The following USH2A variants were observed in gnomAD, a reference collection of about 807,000 sequenced individuals.
The protein encoded by USH2A is usherin.
A neutral mutation model predicts 538.9 loss-of-function variants in USH2A; 443 were observed. That is an observed-to-expected ratio of 0.82 (90% CI 0.76 to 0.89). The LOEUF (loss-of-function observed/expected upper bound fraction) is 0.89, where lower values mean the gene tolerates loss of function less well. Among genes scored for constraint, USH2A ranks in the 40% least tolerant of loss-of-function variants. The pLI is 0.00. For missense variants in USH2A, 6,633 were observed against 6,324.8 expected (o/e 1.05, Z -1.65); for synonymous variants, 2,413 against 2,273.5 (o/e 1.06, Z -1.75).
chr1:216,038,972 A>G (rs2030131834), intron 32 of USH2A, among the ~76,000 whole-genome samples: 1 of 152,044 alleles, frequency 6.6e-6, no homozygotes, highest in Non-Finnish European at 1.5e-5. Flanking sequence ...AATTAGGTTA[A>G]CAGATCATAT....
At chr1:216,196,495 A>G in intron 19 of USH2A, 58 bp downstream of exon 19, 1 of 1,599,836 alleles carries the variant, frequency 6.3e-7, no homozygotes, top group Non-Finnish European at 8.6e-7. Context: ...AACTCAAAAA[A>G]TGTCCAAATG....
At chr1:216,072,271 G>A (rs925827651) in intron 29 of USH2A, among the ~76,000 whole-genome samples, 3 of 152,300 alleles carry the variant, frequency 2.0e-5, no homozygotes, top group African/African-American at 4.8e-5. Context: ...TTTGTGGCCA[G>A]TCAGAAGTAC....
chr1:216,330,587 G>A (rs1337667265), intron 4 of USH2A, among the ~76,000 whole-genome samples: 1 of 152,004 alleles, frequency 6.6e-6, no homozygotes, highest in Non-Finnish European at 1.5e-5. Flanking sequence ...GTTATTAGAA[G>A]GTTAGGTCAG....
rs912597927 is a variant in USH2A at position 216,266,980 on chromosome 1, A to G, written c.1972-15882T>C. Among the ~76,000 whole-genome samples the G allele has an allele frequency of 9.9e-5, 15 of 152,090 alleles. No homozygotes were observed. In the East Asian group the frequency reaches 1.7e-3, roughly 18 times the overall value. ...ACATGTTAAGTGTTTAATTGGAAAT[A>G]TGATTGTGAAATTCATTTGAGTATT... On this transcript the variant is annotated intron_variant, in intron 11 of 71. Transcript: ENST00000307340.
intron 3 of USH2A, among the ~76,000 whole-genome samples, chr1:216,387,410 A>T (rs972229824): frequency 6.6e-6 from 1 of 152,250 alleles, no homozygotes; most frequent in African/African-American, 2.4e-5. Context: ...ATCTGATGAA[A>T]AAAGAAACAA....
At chr1:215,824,764 G>A (rs953948463) in intron 47 of USH2A, among the ~76,000 whole-genome samples, 2 of 152,100 alleles carry the variant, frequency 1.3e-5, no homozygotes, top group African/African-American at 2.4e-5. Context: ...TAAGACGGTC[G>A]GGAAACTGTC....
intron 47 of USH2A, among the ~76,000 whole-genome samples, chr1:215,824,987 T>G (rs1282809932): frequency 1.3e-5 from 2 of 152,164 alleles, no homozygotes; most frequent in African/African-American, 2.4e-5. Flanking sequence ...ATCTCAGTTC[T>G]GTACATTTGT....
At chr1:215,871,545 C>T (rs939202802) in intron 43 of USH2A, among the ~76,000 whole-genome samples, 3 of 152,092 alleles carry the variant, frequency 2.0e-5, no homozygotes, top group African/African-American at 7.2e-5. Flanking sequence ...ATATTGAAAA[C>T]AAATTATATT....
chr1:215,992,873 C>T, intron 35 of USH2A, 147 bp downstream of exon 35: 1 of 1,363,604 alleles, frequency 7.3e-7, no homozygotes, highest in Non-Finnish European at 1.0e-6. Flanking sequence ...CACAATCTCC[C>T]CAACTAGAGA....
At chr1:216,012,621 A>G (rs1393026780) in intron 32 of USH2A, among the ~76,000 whole-genome samples, 1 of 152,116 alleles carries the variant, frequency 6.6e-6, no homozygotes, top group African/African-American at 2.4e-5. Flanking sequence ...CTTAGTATTC[A>G]GTGAAACCTT....
chr1:216,051,008 T>C lies in USH2A; in HGVS notation c.6050-2361A>G, dbSNP rs183694214. Among the ~76,000 whole-genome samples, 329 of 152,242 alleles carry C rather than the reference T, an allele frequency of 2.2e-3. 3 individuals are homozygous for C. The highest frequency in any genetic ancestry group is 7.2e-3 in the African/African-American group (299 of 41,552). ...CCTCCCTCAACTTCCTTCTGTGACA[T>C]TGAACTTTTTAGTTGTTCTCCTAAA... On this transcript the variant is annotated intron_variant, in intron 30 of 71. Coordinates refer to ENST00000307340, the MANE Select transcript of USH2A (RefSeq NM_206933.4).
intron 26 of USH2A, among the ~76,000 whole-genome samples, chr1:216,079,633 T>A (rs970919496): frequency 6.6e-6 from 1 of 152,140 alleles, no homozygotes; most frequent in African/African-American, 2.4e-5. Context: ...GAGGGTCTGG[T>A]ATGGAAAGAA....
intron 41 of USH2A, among the ~76,000 whole-genome samples, chr1:215,887,961 G>A (rs1163018180): frequency 6.6e-6 from 1 of 152,182 alleles, no homozygotes; most frequent in Non-Finnish European, 1.5e-5. Context: ...ATAGAATGAG[G>A]TGAATAATTG....
chr1:216,217,386 C>G lies in USH2A; in HGVS notation c.3157+1G>C. On this transcript the variant is annotated splice_donor_variant, in intron 15 of 71. Coordinates refer to ENST00000307340, the MANE Select transcript of USH2A (RefSeq NM_206933.4). LOFTEE classifies it high-confidence loss of function. ...CCAGCACTGAACCAGAGTTCACTTACTTTTGCTGCAACCCAATAGATTGTT... is the reference window on the plus strand; with the variant it reads ...CCAGCACTGAACCAGAGTTCACTTAGTTTTGCTGCAACCCAATAGATTGTT... 1 of 1,612,864 alleles carries G rather than the reference C, an allele frequency of 6.2e-7. No homozygotes were observed. The highest frequency in any genetic ancestry group is 8.5e-7 in the Non-Finnish European group (1 of 1,179,182).
intron 64 of USH2A, among the ~76,000 whole-genome samples, chr1:215,669,602 C>T (rs973364059): frequency 6.6e-6 from 1 of 151,974 alleles, no homozygotes; most frequent in African/African-American, 2.4e-5. Flanking sequence ...TAAATAAATA[C>T]TGTAAATAGT....
At chr1:215,990,951 C>T (rs1041248957) in intron 35 of USH2A, among the ~76,000 whole-genome samples, 8 of 151,680 alleles carry the variant, frequency 5.3e-5, no homozygotes, top group Non-Finnish European at 8.8e-5. Flanking sequence ...TTAGTAGAGA[C>T]GGAGTTTCGC....
rs573067996 is a variant in USH2A, at chr1:216,359,627, T to C, written c.784+5326A>G. ...AATAACATTTTATATTATTTCAGAA[T>C]TAATAAGTGCATCAGACAAAAATAT... On this transcript the variant is annotated intron_variant, in intron 4 of 71. Transcript: ENST00000307340. Among the ~76,000 whole-genome samples, 8 of 152,180 alleles carry C rather than the reference T, an allele frequency of 5.3e-5. No homozygotes were observed. The East Asian group carries it at 1.5e-3, about 29-fold the overall frequency.
chr1:216,048,438 G>A (rs1321796032), intron 31 of USH2A, 96 bp downstream of exon 31: 3 of 1,252,886 alleles, frequency 2.4e-6, no homozygotes, highest in Non-Finnish European at 3.5e-6. Flanking sequence ...ATTAGGTTGG[G>A]GTTTGCCAGC....
intron 22 of USH2A, among the ~76,000 whole-genome samples, chr1:216,096,520 A>C (rs150267684): frequency 1.3e-5 from 2 of 152,316 alleles, no homozygotes; most frequent in African/African-American, 4.8e-5. Context: ...AAAACAATTT[A>C]TTTCTTTATT....
Sources: gnomAD v4.1 joint callset for allele counts (sites outside exome capture counted in the v4.1 genomes callset) on GRCh38, gnomAD v4.1.1 for gene constraint, MANE v1.5 for transcripts, NCBI Gene and HGNC (gene_info 2026-07-23, HGNC 2026-07-21) for gene names.